SLC5A6: variants seen among roughly 807,000 people sequenced by gnomAD.
The protein encoded by SLC5A6 is solute carrier family 5 member 6.
In SLC5A6, 31 loss-of-function variants were observed where a neutral mutation model predicts 67.9. The ratio of observed to expected loss-of-function variants is 0.46; its 90% CI spans 0.34 to 0.62. The LOEUF (loss-of-function observed/expected upper bound fraction) is 0.62, where lower values mean the gene tolerates loss of function less well. Among genes scored for constraint, SLC5A6 ranks in the 20% least tolerant of loss-of-function variants. SLC5A6 has a pLI of 0.01. For missense variants in SLC5A6, 673 were observed against 812.8 expected, an observed-to-expected ratio of 0.83 and a Z score of 2.09; for synonymous variants, 343 against 331.0, an observed-to-expected ratio of 1.04 and a Z score of -0.39.
chr2:27,206,751 C>T lies in SLC5A6; in HGVS notation c.459+126G>A, dbSNP rs941582407. The T allele has an allele frequency of 8.6e-6, 8 of 925,460 alleles. No homozygotes were observed. The African/African-American group carries it at 1.3e-4, about 15-fold the overall frequency. The allele number at this position is 925,460 out of a possible 1,614,324, so 57.3% of individuals were successfully genotyped here. On this transcript the variant is annotated intron_variant, in intron 4 of 16. Transcript: ENST00000310574. ...GATGCCTCTGGGGTCCTCACAGATG[C>T]TAACCTCTAGCAGGAATTTCAATCC... is the stretch of plus-strand genomic sequence containing the variant.
intron 9 of SLC5A6, among the ~76,000 whole-genome samples, chr2:27,204,161 G>A (rs1284787540): frequency 1.3e-5 from 2 of 152,178 alleles, no homozygotes; most frequent in African/African-American, 4.8e-5. Context: ...TCTGTGAAAT[G>A]AGGCTGTTAG....
At chr2:27,211,966 C>CCCCTCCCCCTG in intron 1 of SLC5A6, 54 bp downstream of exon 1, 1 of 475,572 alleles carries the variant, frequency 2.1e-6, no homozygotes, top group Non-Finnish European at 3.6e-6. Flanking sequence ...CCCGCGGGGG[C>CCCCTCCCCCTG]CCCGCCCCCT....
chr2:27,200,608 C>G (rs746935495), intron 16 of SLC5A6, 29 bp from the exon 17 acceptor site: 1 of 1,593,682 alleles, frequency 6.3e-7, no homozygotes. Context: ...AGGGGTGGAA[C>G]TGGTGAAGAC....
rs956415081 is a variant in SLC5A6 at position 27,212,049 on chromosome 2, G to A, written c.-237C>T. The A allele has an allele frequency of 5.4e-5, 55 of 1,025,990 alleles. No homozygotes were observed. The African/African-American group carries it at 9.0e-4, about 17-fold the overall frequency. 63.6% of individuals were successfully genotyped at this position (1,025,990 alleles called of 1,614,324 possible). On this transcript the variant is annotated 5_prime_UTR_variant, in exon 1 of 17. It introduces an in-frame stop codon into an upstream open reading frame of the 5' UTR. Coordinates refer to ENST00000310574, the MANE Select transcript of SLC5A6 (RefSeq NM_021095.4). Reference sequence around the variant, plus strand: ...GGCGGATGGAGGGGCCCGAGTTTCTGCGAAGCCGCGACCTCGGCGTCCGGA... The same window carrying A: ...GGCGGATGGAGGGGCCCGAGTTTCTACGAAGCCGCGACCTCGGCGTCCGGA...
chr2:27,210,323 C>T (rs1170698360), intron 2 of SLC5A6, among the ~76,000 whole-genome samples: 2 of 152,228 alleles, frequency 1.3e-5, no homozygotes, highest in Non-Finnish European at 2.9e-5. Context: ...TTGATCCAAA[C>T]GCTATGGTCT....
intron 11 of SLC5A6, 148 bp from the exon 12 acceptor site, chr2:27,203,028 C>A (rs998144157): frequency 5.3e-6 from 8 of 1,503,214 alleles, no homozygotes; most frequent in Non-Finnish European, 7.1e-6. Flanking sequence ...TTCCTCCCAC[C>A]AAGTCCTCAC....
In SLC5A6 at chr2:27,201,790, T is replaced by C; in HGVS notation, c.1420A>G (p.Ser474Gly). ...LVMAFWIGIG[S>G]IVTSMGSSMP... ...CTGGAGCCCATGCTGGTCACGATGCTCCCGATGCCAATCCAGAAGGCCATG... is the reference window on the plus strand; with the variant it reads ...CTGGAGCCCATGCTGGTCACGATGCCCCCGATGCCAATCCAGAAGGCCATG... The change falls in exon 14 of 17, where the codon AGC becomes GGC. Residue 474 changes from serine (S) to glycine (G), a missense_variant. Coordinates refer to ENST00000310574, the MANE Select transcript of SLC5A6 (RefSeq NM_021095.4). 6.2e-7 allele frequency: 1 copy of C among 1,613,944 alleles called. No individual in the cohort carries two copies. Among genetic ancestry groups the C allele is most frequent in the Non-Finnish European group, 8.5e-7 (1 of 1,179,976 alleles).
upstream of SLC5A6, chr2:27,212,411 T>G: frequency 1.9e-6 from 3 of 1,553,122 alleles, no homozygotes; most frequent in Non-Finnish European, 2.6e-6. Context: ...CCTGGTGCCC[T>G]GGGCTGCCGC....
chr2:27,212,750 G>C, upstream of SLC5A6: 1 of 930,630 alleles, frequency 1.1e-6, no homozygotes, highest in South Asian at 2.0e-5. Flanking sequence ...TGCCTCTTGT[G>C]TAATCTCTCT....
chr2:27,205,092 G>T (rs372306939), intron 7 of SLC5A6, 161 bp from the exon 8 acceptor site: 1 of 803,462 alleles, frequency 1.2e-6, no homozygotes. Context: ...AGACAGCACA[G>T]CCAGTTAGAG....
At chr2:27,203,683 G>A (rs1158953006) in intron 10 of SLC5A6, 96 bp downstream of exon 10, 8 of 907,116 alleles carry the variant, frequency 8.8e-6, no homozygotes, top group Non-Finnish European at 1.1e-5. Flanking sequence ...AAACTTAGAG[G>A]GATTCCCCAC....
Position 27,203,476 on chromosome 2 carries a change from T to C in SLC5A6, c.1095-131A>G, listed in dbSNP as rs1479043147. The C allele has an allele frequency of 6.4e-6, 5 of 775,810 alleles. No homozygotes were observed. In the East Asian group the frequency reaches 8.0e-5, roughly 12 times the overall value. The allele number at this position is 775,810 out of a possible 1,614,324, so 48.1% of individuals were successfully genotyped here. ...CCAAGAAACCTCCTCATAGTTGGAC[T>C]TGATGCCACCTCAGAGCGGGCCTGG... On this transcript the variant is annotated intron_variant, in intron 10 of 16. Transcript: ENST00000310574.
At chr2:27,203,205 C>CT in intron 11 of SLC5A6, 28 bp downstream of exon 11, 1 of 1,613,616 alleles carries the variant, frequency 6.2e-7, no homozygotes, top group Non-Finnish European at 8.5e-7. Context: ...AAGACCCAGA[C>CT]TGAAGAGATG....
chr2:27,212,625 T>TGGG (rs1674629317), upstream of SLC5A6: 2 of 1,415,138 alleles, frequency 1.4e-6, no homozygotes, highest in East Asian at 5.5e-5. Context: ...TCCCAAGTAC[T>TGGG]CACGTCGTGC....
chr2:27,205,612 G>A, intron 6 of SLC5A6, 108 bp from the exon 7 acceptor site: 1 of 1,394,432 alleles, frequency 7.2e-7, no homozygotes, highest in Non-Finnish European at 1.0e-6. Context: ...TTTTGTTTTA[G>A]GCTTTTTGCA....
At chr2:27,202,536 G>A (rs1025806454) in intron 12 of SLC5A6, among the ~76,000 whole-genome samples, 6 of 132,794 alleles carry the variant, frequency 4.5e-5, no homozygotes, top group African/African-American at 1.6e-4. Flanking sequence ...GAACTCCAGA[G>A]GGCAGGAAAG....
At chr2:27,209,604 C>A (rs1182518632) in intron 2 of SLC5A6, among the ~76,000 whole-genome samples, 1 of 152,188 alleles carries the variant, frequency 6.6e-6, no homozygotes, top group Non-Finnish European at 1.5e-5. Context: ...TTCCCAGAAC[C>A]AGGACAGGAG....
intron 6 of SLC5A6, 113 bp from the exon 7 acceptor site, chr2:27,205,617 T>G (rs921817990): frequency 4.5e-6 from 6 of 1,331,418 alleles, no homozygotes; most frequent in Non-Finnish European, 6.4e-6. Flanking sequence ...TTTTAGGCTT[T>G]TTGCAGCCTG....
At chr2:27,205,529 G>C in intron 6 of SLC5A6, 25 bp from the exon 7 acceptor site, 1 of 1,613,440 alleles carries the variant, frequency 6.2e-7, no homozygotes, top group East Asian at 2.2e-5. Context: ...CAGCAAACCT[G>C]CCACAGAGGC....
Sources: allele counts gnomAD v4.1 joint callset (sites outside exome capture counted in the v4.1 genomes callset), GRCh38; gene constraint gnomAD v4.1.1; transcripts MANE v1.5; gene names NCBI Gene and HGNC (gene_info 2026-07-23, HGNC 2026-07-21).